The following CFAP54 variants were observed in gnomAD, a reference collection of about 807,000 sequenced individuals.
CFAP54 encodes the protein cilia- and flagella-associated protein 54.
Under a neutral mutation model 370.4 loss-of-function variants are expected in CFAP54, and 290 were observed. The observed-to-expected ratio is 0.78, with a 90% CI of 0.71 to 0.86. The LOEUF is 0.86. CFAP54 is among the 40% of genes least tolerant of loss of function. The probability of loss-of-function intolerance (pLI) is 0.00; values close to 1 mark genes in which losing one functional copy is unlikely to be tolerated. For missense variants in CFAP54, 3,399 were observed against 3,528.7 expected, an observed-to-expected ratio of 0.96 and a Z score of 0.93; for synonymous variants, 1,206 against 1,236.5, an observed-to-expected ratio of 0.98 and a Z score of 0.52.
chr12:96,641,392 C>G (rs985162967), intron 32 of CFAP54, among the ~76,000 whole-genome samples: 20 of 152,254 alleles, frequency 1.3e-4, no homozygotes, highest in African/African-American at 4.6e-4. Flanking sequence ...CATCTCACAC[C>G]AGTTAGAATG....
chr12:96,845,993 C>T (rs956553103), intron 66 of CFAP54, among the ~76,000 whole-genome samples: 2 of 152,166 alleles, frequency 1.3e-5, no homozygotes, highest in African/African-American at 4.8e-5. Context: ...TGACCTCCAT[C>T]ATAACAGTTA....
chr12:96,805,572 CA>C (rs35711439), intron 63 of CFAP54, among the ~76,000 whole-genome samples: 7,314 of 138,912 alleles, frequency 0.053, 478 homozygotes, highest in African/African-American at 0.13. Flanking sequence ...ATTAAAAAGT[CA>C]AAAAAAAAAA....
chr12:96,770,146 A>T (rs2063274625), intron 60 of CFAP54, among the ~76,000 whole-genome samples: 1 of 151,908 alleles, frequency 6.6e-6, no homozygotes, highest in African/African-American at 2.4e-5. Flanking sequence ...TACTACTTAT[A>T]GGTGGGAATG....
chr12:96,771,360 A>G (rs1958458050), intron 60 of CFAP54, among the ~76,000 whole-genome samples: 1 of 152,084 alleles, frequency 6.6e-6, no homozygotes, highest in Non-Finnish European at 1.5e-5. Context: ...CCACATTAAA[A>G]CCCACTTTAG....
At chr12:96,589,659 T>C (rs978934802) in intron 23 of CFAP54, 96 bp downstream of exon 23, 4 of 725,780 alleles carry the variant, frequency 5.5e-6, no homozygotes, top group African/African-American at 2.5e-5. Context: ...CATGTTCAGA[T>C]AGTCCATATA....
intron 60 of CFAP54, among the ~76,000 whole-genome samples, chr12:96,771,620 C>T (rs1439616047): frequency 5.9e-5 from 9 of 152,170 alleles, no homozygotes; most frequent in African/African-American, 9.7e-5. Flanking sequence ...CCACTGCACT[C>T]CGGCCTGGGC....
At chr12:96,810,388 C>G (rs1958918883) in intron 63 of CFAP54, among the ~76,000 whole-genome samples, 1 of 151,990 alleles carries the variant, frequency 6.6e-6, no homozygotes, top group Non-Finnish European at 1.5e-5. Context: ...TTACTCTTAT[C>G]TTAGTTTACT....
intron 48 of CFAP54, among the ~76,000 whole-genome samples, chr12:96,709,121 C>G (rs1334762872): frequency 2.0e-5 from 3 of 152,152 alleles, no homozygotes; most frequent in Non-Finnish European, 4.4e-5. Context: ...TGCAGAAAAA[C>G]TTCACTGAAA....
At chr12:96,704,667 G>A (rs1018977465) in intron 46 of CFAP54, 76 bp from the exon 47 acceptor site, 2 of 523,412 alleles carry the variant, frequency 3.8e-6, no homozygotes, top group Non-Finnish European at 6.2e-6. Context: ...AATAATTTTA[G>A]AACACATTAA....
At chr12:96,530,733 A>G (rs1955433475) in intron 9 of CFAP54, among the ~76,000 whole-genome samples, 1 of 152,200 alleles carries the variant, frequency 6.6e-6, no homozygotes. Context: ...ATAAGTTCAT[A>G]TTTAGTTTTG....
At chr12:96,650,369 G>A (rs1413990067) in intron 35 of CFAP54, among the ~76,000 whole-genome samples, 1 of 152,020 alleles carries the variant, frequency 6.6e-6, no homozygotes, top group African/African-American at 2.4e-5. Context: ...GAATATGCAT[G>A]CACCTCTCTG....
chr12:96,578,220 C>A (rs1003933693), intron 20 of CFAP54, among the ~76,000 whole-genome samples: 1 of 152,132 alleles, frequency 6.6e-6, no homozygotes, highest in Non-Finnish European at 1.5e-5. Context: ...AATGTGCTTG[C>A]ATACTTTGAG....
At chr12:96,656,529 G>A (rs4762314) in intron 36 of CFAP54, among the ~76,000 whole-genome samples, 64,882 of 151,996 alleles carry the variant, frequency 0.43, 14,237 homozygotes, top group Admixed American at 0.51. Flanking sequence ...TTACAGGCAT[G>A]CGCCACCACA....
chr12:96,611,198 G>A (rs779916874), intron 26 of CFAP54, among the ~76,000 whole-genome samples: 8 of 152,338 alleles, frequency 5.3e-5, no homozygotes, highest in Admixed American at 2.6e-4. Flanking sequence ...GCTTCCAGAG[G>A]AATGATCAGG....
At chr12:96,749,753 G>A (rs978147302) in intron 55 of CFAP54, among the ~76,000 whole-genome samples, 4 of 152,088 alleles carry the variant, frequency 2.6e-5, no homozygotes, top group African/African-American at 9.7e-5. Flanking sequence ...TTTGTCATCT[G>A]AATTTTAATC....
chr12:96,594,443 A>G lies in CFAP54; in HGVS notation c.3513A>G (p.Val1171=), dbSNP rs1437653362. Residue 1171 remains valine (V), a synonymous_variant, in exon 25 of 68, where the codon GTA becomes GTG. Coordinates refer to ENST00000524981, the MANE Select transcript of CFAP54 (RefSeq NM_001306084.2). The part of the protein sequence containing the change: ...IYHNIVLVPV[V]QILIKCIVVL... ...ACAATATTGTTTTGGTACCTGTTGTACAGGTAAGGGTATTCCTCTCCCCAA... is the reference window on the plus strand; with the variant it reads ...ACAATATTGTTTTGGTACCTGTTGTGCAGGTAAGGGTATTCCTCTCCCCAA... 6.5e-7 allele frequency: 1 copy of G among 1,527,168 alleles called. No individual in the cohort carries two copies. Among genetic ancestry groups the G allele is most frequent in the Admixed American group, 2.0e-5 (1 of 50,940 alleles). 94.6% of individuals were successfully genotyped at this position (1,527,168 alleles called of 1,614,324 possible).
At chr12:96,847,277 C>G (rs971773653) in intron 66 of CFAP54, among the ~76,000 whole-genome samples, 2 of 152,192 alleles carry the variant, frequency 1.3e-5, no homozygotes, top group East Asian at 3.9e-4. Flanking sequence ...GTGAGCTGCC[C>G]TCCCTCCCAG....
chr12:96,522,492 T>A (rs1955331635), intron 8 of CFAP54, among the ~76,000 whole-genome samples: 1 of 152,216 alleles, frequency 6.6e-6, no homozygotes, highest in African/African-American at 2.4e-5. Context: ...TCTGAGTGGT[T>A]CTGCACTTGC....
chr12:96,794,601 A>G (rs1958738758), intron 63 of CFAP54, among the ~76,000 whole-genome samples: 1 of 151,372 alleles, frequency 6.6e-6, no homozygotes, highest in Non-Finnish European at 1.5e-5. Flanking sequence ...ATTGTTTTTT[A>G]TTTATGCTGT....
Sources: allele counts gnomAD v4.1 joint callset (sites outside exome capture counted in the v4.1 genomes callset), GRCh38; gene constraint gnomAD v4.1.1; transcripts MANE v1.5; gene names NCBI Gene and HGNC (gene_info 2026-07-23, HGNC 2026-07-21).